The following RYR2 variants were observed in gnomAD, a reference collection of about 807,000 sequenced individuals.
The protein encoded by RYR2 is cardiac muscle ryanodine receptor-calcium release channel.
A neutral mutation model predicts 601.1 loss-of-function variants in RYR2; 227 were observed. The ratio of observed to expected loss-of-function variants is 0.38; its 90% CI spans 0.34 to 0.42. The LOEUF is 0.42. Ranked by LOEUF, RYR2 falls within the 10% of genes least tolerant of loss-of-function variation. The pLI is 1.00. For missense variants in RYR2, 4,646 were observed against 6,156.5 expected (o/e 0.75, Z 8.21); for synonymous variants, 2,223 against 2,175.1 (o/e 1.02, Z -0.61).
chr1:237,432,352 TAAC>T (rs1706909938), intron 12 of RYR2, among the ~76,000 whole-genome samples: 1 of 152,134 alleles, frequency 6.6e-6, no homozygotes, highest in Admixed American at 6.6e-5. Flanking sequence ...ACAGAATCAA[TAAC>T]AACAATATGT....
At chr1:237,465,143 C>G (rs1659930858) in intron 16 of RYR2, among the ~76,000 whole-genome samples, 2 of 151,730 alleles carry the variant, frequency 1.3e-5, no homozygotes, top group Non-Finnish European at 2.9e-5. Context: ...AGGAGGTACT[C>G]TATTTTACTG....
rs533028704 is a variant in RYR2, at chr1:237,239,341, A to T, written c.49-31156A>T. Among the ~76,000 whole-genome samples, 15 of 152,108 alleles carry T rather than the reference A, an allele frequency of 9.9e-5. 1 individual carries two copies. Among genetic ancestry groups the T allele is most frequent in the Admixed American group, 5.2e-4 (8 of 15,268 alleles). ...AAGTGAAAAGCGCTCTCTCCTGCAG[A>T]GAGAGGGGCTTCCAAGTGGGTCTTC... On this transcript the variant is annotated intron_variant, in intron 1 of 104. Coordinates refer to ENST00000366574, the MANE Select transcript of RYR2 (RefSeq NM_001035.3).
chr1:237,315,448 ATAAT>A (rs1406616677), intron 2 of RYR2, among the ~76,000 whole-genome samples: 2 of 152,146 alleles, frequency 1.3e-5, no homozygotes, highest in African/African-American at 4.8e-5. Flanking sequence ...TTATTTTTAA[ATAAT>A]TCAGTTTAAA....
intron 2 of RYR2, among the ~76,000 whole-genome samples, chr1:237,318,404 C>A (rs961483513): frequency 1.3e-5 from 2 of 152,030 alleles, no homozygotes; most frequent in African/African-American, 4.8e-5. Context: ...AAAATTTTTA[C>A]AGTCTTTTAT....
intron 1 of RYR2, among the ~76,000 whole-genome samples, chr1:237,046,238 AGGTCCAGGAAGGTTAAT>A (rs1660589245): frequency 1.3e-5 from 2 of 152,192 alleles, no homozygotes; most frequent in African/African-American, 4.8e-5. Flanking sequence ...TAGTTTGTAG[AGGTCCAGGAAGGTTAAT>A]GGTATGAAGT....
chr1:237,463,930 A>C (rs1659762659), intron 16 of RYR2, among the ~76,000 whole-genome samples: 1 of 152,232 alleles, frequency 6.6e-6, no homozygotes, highest in Non-Finnish European at 1.5e-5. Flanking sequence ...TATTAAAATT[A>C]ATACATTTTA....
intron 97 of RYR2, among the ~76,000 whole-genome samples, chr1:237,801,367 C>CAAAAAAAAA (rs71162423): frequency 1.0e-5 from 1 of 95,480 alleles, no homozygotes; most frequent in African/African-American, 4.1e-5. Context: ...CCCATCTCTA[C>CAAAAAAAAA]AAAAAAAAAA....
Position 237,279,793 on chromosome 1 carries a change from A to G in RYR2, c.168+9177A>G, listed in dbSNP as rs368758664. 3.9e-5 allele frequency among the ~76,000 whole-genome samples: 6 copies of G among 152,310 alleles called. No individual in the cohort carries two copies. In the South Asian group the frequency reaches 1.0e-3, roughly 26 times the overall value. ...AAACAGTAAAAGCCATTCTTATTTAATTATCTCACTGCTTCAAGCATAGTT... is the reference window on the plus strand; with the variant it reads ...AAACAGTAAAAGCCATTCTTATTTAGTTATCTCACTGCTTCAAGCATAGTT... On this transcript the variant is annotated intron_variant, in intron 2 of 104. Coordinates refer to ENST00000366574, the MANE Select transcript of RYR2 (RefSeq NM_001035.3).
intron 39 of RYR2, 51 bp from the exon 40 acceptor site, chr1:237,625,610 C>T (rs894758573): frequency 1.4e-4 from 217 of 1,571,100 alleles, no homozygotes; most frequent in Non-Finnish European, 1.8e-4. Context: ...ATTATTTGCC[C>T]AAGTGTATTC....
intron 25 of RYR2, 49 bp downstream of exon 25, chr1:237,530,559 T>C (rs1233339694): frequency 7.6e-7 from 1 of 1,322,680 alleles, no homozygotes; most frequent in Non-Finnish European, 1.1e-6. Context: ...AGAGATTTAG[T>C]GCAACCAAAT....
chr1:237,617,539 A>C, intron 38 of RYR2, 53 bp downstream of exon 38: 1 of 1,554,340 alleles, frequency 6.4e-7, no homozygotes, highest in South Asian at 1.2e-5. Flanking sequence ...TTAGTCATTC[A>C]GGATCTCTGC....
intron 70 of RYR2, 80 bp downstream of exon 70, chr1:237,709,647 T>A: frequency 1.3e-6 from 1 of 789,358 alleles, no homozygotes; most frequent in Non-Finnish European, 2.1e-6. Context: ...CATGTAACAG[T>A]TGAGGAGAGA....
chr1:237,214,503 A>C (rs1682950379), intron 1 of RYR2, among the ~76,000 whole-genome samples: 1 of 152,106 alleles, frequency 6.6e-6, no homozygotes, highest in African/African-American at 2.4e-5. Flanking sequence ...CAGGCTCTTT[A>C]ACAGTCAGCT....
At chr1:237,668,168 T>C (rs980400249) in intron 58 of RYR2, among the ~76,000 whole-genome samples, 29 of 152,182 alleles carry the variant, frequency 1.9e-4, no homozygotes, top group Non-Finnish European at 4.3e-4. Flanking sequence ...GACAGCTTTC[T>C]TTTACCCATT....
At chr1:237,326,082 G>A (rs1236505443) in intron 2 of RYR2, among the ~76,000 whole-genome samples, 2 of 152,156 alleles carry the variant, frequency 1.3e-5, no homozygotes, top group East Asian at 1.9e-4. Context: ...TTTTAAGTGA[G>A]TTAGGCAGAT....
chr1:237,159,659 T>C (rs1001602077), intron 1 of RYR2, among the ~76,000 whole-genome samples: 2 of 152,172 alleles, frequency 1.3e-5, no homozygotes, highest in African/African-American at 2.4e-5. Context: ...AGTGTGACCC[T>C]GCCTGTACCA....
intron 16 of RYR2, among the ~76,000 whole-genome samples, chr1:237,464,210 A>C (rs932715464): frequency 1.3e-5 from 2 of 152,258 alleles, no homozygotes; most frequent in Middle Eastern, 3.4e-3. Flanking sequence ...TAAGATAGTC[A>C]AAAGGCTTTC....
intron 2 of RYR2, among the ~76,000 whole-genome samples, chr1:237,305,137 CTT>C (rs1693746262): frequency 1.3e-5 from 2 of 152,118 alleles, no homozygotes; most frequent in African/African-American, 4.8e-5. Flanking sequence ...AGGATTGTCT[CTT>C]AGGTATATAT....
intron 60 of RYR2, among the ~76,000 whole-genome samples, chr1:237,676,058 A>C (rs981457679): frequency 2.0e-5 from 3 of 152,118 alleles, no homozygotes; most frequent in African/African-American, 7.2e-5. Flanking sequence ...GAAGAACAAA[A>C]ATGAGGTAGG....
Sources: allele counts gnomAD v4.1 joint callset (sites outside exome capture counted in the v4.1 genomes callset), GRCh38; gene constraint gnomAD v4.1.1; transcripts MANE v1.5; gene names NCBI Gene and HGNC (gene_info 2026-07-23, HGNC 2026-07-21).